The following TXLNB variants were observed in gnomAD, a reference collection of about 807,000 sequenced individuals.
TXLNB encodes the protein taxilin beta, also known as beta-taxilin.
In TXLNB, 37 loss-of-function variants were observed where a neutral mutation model predicts 57.4. That is an observed-to-expected ratio of 0.64 (90% CI 0.50 to 0.85). The LOEUF (loss-of-function observed/expected upper bound fraction) is 0.85, where lower values mean the gene tolerates loss of function less well. TXLNB is among the 40% of genes least tolerant of loss of function. The probability of loss-of-function intolerance (pLI) is 0.00; values close to 1 mark genes in which losing one functional copy is unlikely to be tolerated. For missense variants in TXLNB, 848 were observed against 825.6 expected, an observed-to-expected ratio of 1.03 and a Z score of -0.33; for synonymous variants, 302 against 309.6, an observed-to-expected ratio of 0.98 and a Z score of 0.26.
chr6:139,221,334 TC>T, the TXLNB span, among the ~76,000 whole-genome samples: 103,374 of 151,898 alleles, frequency 0.68, 35,390 homozygotes, highest in East Asian at 0.81. Flanking sequence ...CCCTAAAAAG[TC>T]TGAAGCCCAA....
At chr6:139,274,408 C>T (rs1776842605) in intron 3 of TXLNB, among the ~76,000 whole-genome samples, 1 of 152,166 alleles carries the variant, frequency 6.6e-6, no homozygotes, top group Non-Finnish European at 1.5e-5. Flanking sequence ...TGAAATTCCT[C>T]ATAATTTTTC....
rs1583033908 is a variant in TXLNB, at chr6:139,290,696, G to T, written c.-15+1225C>A. Among the ~76,000 whole-genome samples, 4 of 152,286 alleles carry T rather than the reference G, an allele frequency of 2.6e-5. 1 individual carries two copies. In the South Asian group the frequency reaches 8.3e-4, roughly 32 times the overall value. ...CACTTCTAGAGTTGCAATAGATTTGGTTTAGGCCTTTAAGTTATGGTGCAT... is the reference window on the plus strand; with the variant it reads ...CACTTCTAGAGTTGCAATAGATTTGTTTTAGGCCTTTAAGTTATGGTGCAT... On this transcript the variant is annotated intron_variant, in intron 1 of 9. Transcript: ENST00000358430.
chr6:139,181,814 C>T, the TXLNB span, among the ~76,000 whole-genome samples: 1 of 152,150 alleles, frequency 6.6e-6, no homozygotes, highest in African/African-American at 2.4e-5. Context: ...CTCCCTTATG[C>T]TTTATAAATG....
chr6:139,316,117 AC>A, the TXLNB span, among the ~76,000 whole-genome samples: 63 of 152,220 alleles, frequency 4.1e-4, no homozygotes, highest in Non-Finnish European at 8.1e-4. Flanking sequence ...GAAAATTTCC[AC>A]TTCTATCTGT....
chr6:139,222,523 T>C, the TXLNB span, among the ~76,000 whole-genome samples: 3 of 152,178 alleles, frequency 2.0e-5, no homozygotes, highest in Admixed American at 6.5e-5. Context: ...AAATCTACAA[T>C]GGGCTGGGTG....
chr6:139,288,272 A>G (rs747575309), intron 2 of TXLNB, among the ~76,000 whole-genome samples: 11 of 152,216 alleles, frequency 7.2e-5, no homozygotes, highest in Non-Finnish European at 1.3e-4. Context: ...GCCACGGAAC[A>G]AAGGGTCAAT....
chr6:139,234,089 C>T, the TXLNB span: 5 of 152,150 alleles, frequency 3.3e-5, no homozygotes, highest in African/African-American at 9.7e-5. Flanking sequence ...GCCCTAGAGA[C>T]CTGTGGAACT....
intron 7 of TXLNB, among the ~76,000 whole-genome samples, chr6:139,253,919 G>T (rs1311746447): frequency 6.6e-6 from 1 of 152,176 alleles, no homozygotes; most frequent in Non-Finnish European, 1.5e-5. Context: ...ATGAGGCACA[G>T]ATAGAATTAG....
chr6:139,275,644 G>A (rs73560742), intron 3 of TXLNB, among the ~76,000 whole-genome samples: 10,589 of 152,192 alleles, frequency 0.07, 1,150 homozygotes, highest in African/African-American at 0.24. Context: ...AGCATAACAG[G>A]ACACATTAGG....
chr6:139,277,816 T>C (rs12208473), intron 2 of TXLNB, among the ~76,000 whole-genome samples: 4,142 of 152,278 alleles, frequency 0.027, 72 homozygotes, highest in Non-Finnish European at 0.042. Flanking sequence ...TTAATCAGAA[T>C]AGGGTGGTCA....
chr6:139,301,601 C>T, the TXLNB span, among the ~76,000 whole-genome samples: 2 of 152,160 alleles, frequency 1.3e-5, no homozygotes, highest in Non-Finnish European at 2.9e-5. Flanking sequence ...TAGAAGAGCA[C>T]ACCTGAGATA....
In TXLNB at chr6:139,244,652, G is replaced by A; in HGVS notation, c.1209C>T (p.Ala403=). The change falls in exon 9 of 10, where the codon GCC becomes GCT. Residue 403 remains alanine (A), a synonymous_variant. Coordinates refer to ENST00000358430, the MANE Select transcript of TXLNB (RefSeq NM_153235.4). ...AGTTCTCAAATCGGGCTTTCCATGT[G>A]GCTGTGTCCTTTTCCAGCTTCTTCA... ...KKMKKLEKDT[A]TWKARFENCN... 1 of 1,613,922 alleles carries A rather than the reference G, an allele frequency of 6.2e-7. No individual in the cohort carries two copies. Among genetic ancestry groups the A allele is most frequent in the Non-Finnish European group, 8.5e-7 (1 of 1,179,838 alleles).
the TXLNB span, among the ~76,000 whole-genome samples, chr6:139,196,364 GGTTTTTTTTTTTTTTT>G: frequency 1.2e-5 from 1 of 86,770 alleles, no homozygotes; most frequent in South Asian, 3.9e-4. Context: ...CTCCAGATCT[GGTTTTTTTTTTTTTTT>G]TTTTTTTTTT....
the TXLNB span, among the ~76,000 whole-genome samples, chr6:139,192,920 G>T: frequency 1.2e-4 from 18 of 151,480 alleles, no homozygotes; most frequent in African/African-American, 3.9e-4. Flanking sequence ...CCGAGATTGT[G>T]CCACTGCACT....
the TXLNB span, among the ~76,000 whole-genome samples, chr6:139,309,330 G>C: frequency 6.6e-6 from 1 of 152,160 alleles, no homozygotes; most frequent in African/African-American, 2.4e-5. Flanking sequence ...TTCTCTTTCT[G>C]TTTAAATATG....
At chr6:139,195,532 G>A in the TXLNB span, among the ~76,000 whole-genome samples, 5 of 152,202 alleles carry the variant, frequency 3.3e-5, no homozygotes, top group Non-Finnish European at 7.3e-5. Flanking sequence ...ATAGGTTCAA[G>A]AGATACCTTC....
the TXLNB span, among the ~76,000 whole-genome samples, chr6:139,228,142 T>C: frequency 2.0e-5 from 3 of 152,234 alleles, no homozygotes; most frequent in Admixed American, 6.5e-5. Flanking sequence ...CCATTCATGC[T>C]TCTTCTCATC....
the TXLNB span, among the ~76,000 whole-genome samples, chr6:139,207,180 A>G: frequency 6.6e-6 from 1 of 152,242 alleles, no homozygotes; most frequent in African/African-American, 2.4e-5. Context: ...CAGAATATTC[A>G]TTATTCTCAT....
chr6:139,255,766 A>G (rs1482595601), intron 6 of TXLNB, 128 bp from the exon 7 acceptor site: 10 of 661,698 alleles, frequency 1.5e-5, no homozygotes, highest in Non-Finnish European at 2.6e-5. Flanking sequence ...TGGAACTTTG[A>G]AAAGAATCTA....
Sources: gnomAD v4.1 joint callset for allele counts (sites outside exome capture counted in the v4.1 genomes callset) on GRCh38, gnomAD v4.1.1 for gene constraint, MANE v1.5 for transcripts, NCBI Gene and HGNC (gene_info 2026-07-23, HGNC 2026-07-21) for gene names.